The following ANKFN1 variants were observed in gnomAD, a reference collection of about 807,000 sequenced individuals.
ANKFN1 encodes ankyrin repeat and fibronectin type III domain containing 1, also known as ankyrin repeat and fibronectin type-III domain-containing protein 1.
ANKFN1 carries 74 observed loss-of-function variants against 108.7 expected under a neutral mutation model. The ratio of observed to expected loss-of-function variants is 0.68; its 90% CI spans 0.56 to 0.83. The LOEUF (loss-of-function observed/expected upper bound fraction) is 0.83, where lower values mean the gene tolerates loss of function less well. Among genes scored for constraint, ANKFN1 ranks in the 40% least tolerant of loss-of-function variants. The probability of loss-of-function intolerance (pLI) is 0.00; values close to 1 mark genes in which losing one functional copy is unlikely to be tolerated. For synonymous variants in ANKFN1, 547 were observed against 516.2 expected, an observed-to-expected ratio of 1.06 and a Z score of -0.81; for missense variants, 1,505 against 1,382.3, an observed-to-expected ratio of 1.09 and a Z score of -1.41.
chr17:56,090,382 G>A (rs190089339), intron 4 of ANKFN1, among the ~76,000 whole-genome samples: 1 of 151,200 alleles, frequency 6.6e-6, no homozygotes, highest in South Asian at 2.1e-4. Flanking sequence ...TATTCAATTT[G>A]CTTCCGTACT....
At chr17:56,130,091 A>G (rs1907185438) in intron 4 of ANKFN1, among the ~76,000 whole-genome samples, 1 of 152,194 alleles carries the variant, frequency 6.6e-6, no homozygotes, top group South Asian at 2.1e-4. Flanking sequence ...CTCACTTCAC[A>G]TTGCTAATTC....
At chr17:56,498,408 G>T (rs564602320) in intron 19 of ANKFN1, among the ~76,000 whole-genome samples, 1 of 152,212 alleles carries the variant, frequency 6.6e-6, no homozygotes, top group African/African-American at 2.4e-5. Context: ...TCTTAATGAG[G>T]AATATTTAAT....
intron 6 of ANKFN1, among the ~76,000 whole-genome samples, chr17:56,357,255 A>G (rs138651687): frequency 2.0e-5 from 3 of 152,354 alleles, no homozygotes; most frequent in African/African-American, 7.2e-5. Context: ...TTGTGTACCT[A>G]TGAAGTCTCC....
chr17:56,219,111 C>T (rs1915657520), intron 2 of ANKFN1, among the ~76,000 whole-genome samples: 1 of 152,016 alleles, frequency 6.6e-6, no homozygotes, highest in Admixed American at 6.6e-5. Flanking sequence ...ACATCCAATA[C>T]CTAGAACACA....
chr17:56,193,319 G>A (rs1422645238), intron 1 of ANKFN1, among the ~76,000 whole-genome samples: 3 of 145,338 alleles, frequency 2.1e-5, no homozygotes, highest in Middle Eastern at 3.5e-3. Flanking sequence ...GAGTTAGTGG[G>A]TGCAGCGCAC....
intron 4 of ANKFN1, among the ~76,000 whole-genome samples, chr17:56,105,545 C>T (rs1052756522): frequency 2.6e-5 from 4 of 151,688 alleles, no homozygotes; most frequent in African/African-American, 9.7e-5. Context: ...CCTTCCCTGC[C>T]TCCTGACTTC....
chr17:56,142,623 G>A (rs564721922), intron 4 of ANKFN1, among the ~76,000 whole-genome samples: 19 of 152,198 alleles, frequency 1.2e-4, no homozygotes, highest in African/African-American at 3.1e-4. Context: ...GGCTCTCCAC[G>A]CTTCAGACTT....
chr17:56,503,138 T>C (rs1246038419), intron 20 of ANKFN1, among the ~76,000 whole-genome samples: 1 of 149,584 alleles, frequency 6.7e-6, no homozygotes, highest in African/African-American at 2.5e-5. Context: ...AGCAGCAATT[T>C]TTTTTTTTTC....
At position 56,238,420 on chromosome 17, in the gene ANKFN1, G is replaced by A. The variant is rs573310725; in HGVS notation, c.53+10463G>A. 5.3e-5 allele frequency among the ~76,000 whole-genome samples: 8 copies of A among 152,198 alleles called. No homozygotes were observed. In the East Asian group the frequency reaches 1.5e-3, roughly 29 times the overall value. On this transcript the variant is annotated intron_variant, in intron 3 of 20. Transcript: ENST00000682825. ...ATTGTGTGCGAATCTAAGTCTCTTT[G>A]TAGACTAAGTCTCTAAGAACTTGCT...
At position 56,511,033 on chromosome 17, in the gene ANKFN1, G is replaced by A. The variant is rs944762905; in HGVS notation, c.3205G>A (p.Ala1069Thr). Residue 1069 changes from alanine to threonine, a missense_variant, in exon 21 of 21, where the codon GCT (alanine) becomes ACT (threonine). Transcript: ENST00000682825. ...DDPRGLTLAH[A>T]ASLPEERNSS... ...TCCCAGGGGCCTAACTCTGGCCCAC[G>A]CTGCCAGCCTTCCTGAGGAGCGGAA... The A allele has an allele frequency of 1.3e-6, 2 of 1,536,004 alleles. No homozygotes were observed. The highest frequency in any genetic ancestry group is 2.4e-5 in the East Asian group (1 of 40,912).
chr17:56,212,419 T>C (rs189030718), intron 1 of ANKFN1, among the ~76,000 whole-genome samples, 179 bp from the exon 2 acceptor site: 42 of 152,304 alleles, frequency 2.8e-4, no homozygotes, highest in Admixed American at 1.0e-3. Flanking sequence ...ATCATTTTGA[T>C]GTGCTGTGGG....
chr17:56,492,435 C>T (rs2051071041), intron 19 of ANKFN1, 82 bp downstream of exon 19: 1 of 667,630 alleles, frequency 1.5e-6, no homozygotes, highest in Non-Finnish European at 2.8e-6. Context: ...TGGGAAAGGA[C>T]AGCAGTCCAG....
chr17:56,112,934 G>A (rs1389324297), intron 4 of ANKFN1, among the ~76,000 whole-genome samples: 3 of 152,044 alleles, frequency 2.0e-5, no homozygotes, highest in African/African-American at 7.3e-5. Context: ...ATTGATGTGT[G>A]TATGTGTGTA....
rs1197364575 is a variant in ANKFN1 at position 56,511,075 on chromosome 17, G to T, written c.3247G>T (p.Ala1083Ser). ...GGAGCGGAACAGCAGTCTCCAGGAC[G>T]CGAGGCCTTCCGTCCGCCGCCTCTA... ...PEERNSSLQD[A>S]RPSVRRLYVE... is the part of the protein sequence containing the mutation. Residue 1083 changes from alanine to serine, a missense_variant, in exon 21 of 21, where the codon GCG (alanine) becomes TCG (serine). Coordinates refer to ENST00000682825, the MANE Select transcript of ANKFN1 (RefSeq NM_001370326.1). 6.5e-7 allele frequency: 1 copy of T among 1,535,992 alleles called. No homozygotes were observed. The highest frequency in any genetic ancestry group is 2.4e-5 in the East Asian group (1 of 40,898).
chr17:56,413,982 A>G (rs1482623294), intron 8 of ANKFN1, among the ~76,000 whole-genome samples: 1 of 152,082 alleles, frequency 6.6e-6, no homozygotes, highest in Non-Finnish European at 1.5e-5. Context: ...CCAGCCATGA[A>G]TCACATTTAT....
At chr17:56,219,670 G>T (rs537491159) in intron 2 of ANKFN1, among the ~76,000 whole-genome samples, 30 of 152,316 alleles carry the variant, frequency 2.0e-4, no homozygotes, top group African/African-American at 7.2e-4. Flanking sequence ...GAAGATAAGG[G>T]TTTATGCTTG....
intron 18 of ANKFN1, among the ~76,000 whole-genome samples, chr17:56,483,046 CTT>C (rs1238988613): frequency 1.3e-5 from 2 of 152,182 alleles, no homozygotes; most frequent in Non-Finnish European, 2.9e-5. Flanking sequence ...GTAGCACTGA[CTT>C]ATTAAATAGA....
intron 4 of ANKFN1, among the ~76,000 whole-genome samples, chr17:56,055,284 C>G (rs948218382): frequency 2.0e-5 from 3 of 151,706 alleles, no homozygotes; most frequent in Non-Finnish European, 2.9e-5. Flanking sequence ...CATGTGTACC[C>G]ATTGTTTAGT....
At chr17:56,387,981 T>C (rs1429769632) in intron 8 of ANKFN1, among the ~76,000 whole-genome samples, 2 of 152,178 alleles carry the variant, frequency 1.3e-5, no homozygotes, top group South Asian at 4.1e-4. Flanking sequence ...TTTTTTAATT[T>C]GTACTGAAAA....
Sources: gnomAD v4.1 joint callset for allele counts (sites outside exome capture counted in the v4.1 genomes callset) on GRCh38, gnomAD v4.1.1 for gene constraint, MANE v1.5 for transcripts, NCBI Gene and HGNC (gene_info 2026-07-23, HGNC 2026-07-21) for gene names.